Variants in SENP5 observed in about 807,000 individuals in gnomAD.
SENP5 encodes the protein sentrin-specific protease 5.
In SENP5, 21 loss-of-function variants were observed where a neutral mutation model predicts 74.2. The ratio of observed to expected loss-of-function variants is 0.28; its 90% CI spans 0.20 to 0.41. The LOEUF (loss-of-function observed/expected upper bound fraction) is 0.41. Ranked by LOEUF, SENP5 falls within the 10% of genes least tolerant of loss-of-function variation. The pLI is 1.00. For synonymous variants in SENP5, 311 were observed against 312.7 expected, an observed-to-expected ratio of 0.99 and a Z score of 0.06; for missense variants, 717 against 889.1, an observed-to-expected ratio of 0.81 and a Z score of 2.46.
intron 6 of SENP5, among the ~76,000 whole-genome samples, chr3:196,911,743 G>C (rs1407683329): frequency 6.6e-6 from 1 of 152,000 alleles, no homozygotes; most frequent in Non-Finnish European, 1.5e-5. Context: ...CTGAGAGGCA[G>C]AGGTTGCGTG....
intron 1 of SENP5, among the ~76,000 whole-genome samples, chr3:196,869,227 G>T (rs1041648753): frequency 1.4e-4 from 21 of 151,844 alleles, no homozygotes; most frequent in African/African-American, 5.1e-4. Flanking sequence ...GGGGGACAGG[G>T]TCTCACTCTG....
At chr3:196,912,425 G>A (rs1281463699) in intron 6 of SENP5, among the ~76,000 whole-genome samples, 2 of 152,110 alleles carry the variant, frequency 1.3e-5, no homozygotes, top group Admixed American at 6.6e-5. Flanking sequence ...CTGTCAGGGG[G>A]TTGGGGGCAA....
intron 7 of SENP5, among the ~76,000 whole-genome samples, chr3:196,923,977 G>A (rs539998519): frequency 6.0e-4 from 91 of 152,250 alleles, no homozygotes; most frequent in Non-Finnish European, 1.1e-3. Flanking sequence ...GTAGGTTTCC[G>A]GATTTTCCTG....
Position 196,886,758 on chromosome 3 carries a change from C to G in SENP5, c.1513+64C>G, listed in dbSNP as rs1713994295. On this transcript the variant is annotated intron_variant, in intron 2 of 9. Coordinates refer to ENST00000323460, the MANE Select transcript of SENP5 (RefSeq NM_152699.5). Reference sequence around the variant, plus strand: ...TCACATTTGCTGTGCATTATCCTTGCTAATAAGAGTCCTATTTTTTTCTCC... The same window carrying G: ...TCACATTTGCTGTGCATTATCCTTGGTAATAAGAGTCCTATTTTTTTCTCC... The G allele has an allele frequency of 5.3e-6, 7 of 1,321,026 alleles. No individual in the cohort carries two copies. The Admixed American group carries it at 7.7e-5, about 15-fold the overall frequency. The allele number at this position is 1,321,026 out of a possible 1,614,324, so 81.8% of individuals were successfully genotyped here. A position where few individuals can be genotyped will look rare whatever the true frequency, so the allele number is the denominator to read the frequency against.
intron 2 of SENP5, among the ~76,000 whole-genome samples, chr3:196,891,378 C>A (rs1261198856): frequency 1.3e-5 from 2 of 152,080 alleles, no homozygotes; most frequent in African/African-American, 2.4e-5. Context: ...GTGATAGTTA[C>A]ACAATCTGAA....
intron 6 of SENP5, among the ~76,000 whole-genome samples, chr3:196,919,231 ATTAG>A (rs1307627820): frequency 5.3e-5 from 8 of 152,362 alleles, no homozygotes; most frequent in African/African-American, 1.9e-4. Context: ...CTGTAATCCT[ATTAG>A]TTTGGGAGAC....
At chr3:196,891,792 GTCTC>G (rs1264342263) in intron 2 of SENP5, among the ~76,000 whole-genome samples, 1 of 152,106 alleles carries the variant, frequency 6.6e-6, no homozygotes, top group East Asian at 1.9e-4. Flanking sequence ...GCAAGACCTT[GTCTC>G]TCTCTTTTTT....
chr3:196,887,489 A>G (rs1444545473), intron 2 of SENP5, among the ~76,000 whole-genome samples: 3 of 147,986 alleles, frequency 2.0e-5, no homozygotes, highest in Admixed American at 6.7e-5. Context: ...CCCTTTGCCT[A>G]TTTTTCAACT....
intron 2 of SENP5, among the ~76,000 whole-genome samples, chr3:196,889,760 G>C (rs775378690): frequency 5.3e-5 from 8 of 152,210 alleles, no homozygotes; most frequent in Non-Finnish European, 1.0e-4. Context: ...CTGAGAATCA[G>C]CTCCCACTGG....
At chr3:196,891,076 A>G (rs1386813330) in intron 2 of SENP5, among the ~76,000 whole-genome samples, 1 of 152,230 alleles carries the variant, frequency 6.6e-6, no homozygotes, top group Non-Finnish European at 1.5e-5. Flanking sequence ...TGAATGGATA[A>G]ATAAAATTTG....
chr3:196,916,188 G>A (rs914718712), intron 6 of SENP5, among the ~76,000 whole-genome samples: 21 of 152,048 alleles, frequency 1.4e-4, no homozygotes, highest in African/African-American at 4.3e-4. Context: ...TTAGCTGGGC[G>A]TGGTGGCGGG....
At chr3:196,868,564 A>G (rs1218194347) in intron 1 of SENP5, among the ~76,000 whole-genome samples, 1 of 152,188 alleles carries the variant, frequency 6.6e-6, no homozygotes, top group African/African-American at 2.4e-5. Flanking sequence ...TCTGAGCGGT[A>G]TCAGCCTCCG....
Position 196,874,677 on chromosome 3 carries a change from C to G in SENP5, c.-32+6604C>G, listed in dbSNP as rs529750688. Among the ~76,000 whole-genome samples, 774 of 152,172 alleles carry G rather than the reference C, an allele frequency of 5.1e-3. 6 individuals carry two copies. Among genetic ancestry groups the G allele is most frequent in the Middle Eastern group, 0.027 (8 of 294 alleles). ...GGGTGGATCACCTGAGGTCAGAGGT[C>G]GAGACCAGCCTGACCAACATGGAGA... On this transcript the variant is annotated intron_variant, in intron 1 of 9. Transcript: ENST00000323460.
intron 6 of SENP5, among the ~76,000 whole-genome samples, chr3:196,907,122 A>T (rs970263623): frequency 6.6e-6 from 1 of 152,138 alleles, no homozygotes; most frequent in Non-Finnish European, 1.5e-5. Context: ...GGATTGTTCA[A>T]ATTTAAAATG....
At position 196,923,264 on chromosome 3, in the gene SENP5, T is replaced by C. The variant is rs926210548; in HGVS notation, c.1885-150T>C. 5.9e-6 allele frequency: 4 copies of C among 673,198 alleles called. No individual in the cohort carries two copies. The African/African-American group carries it at 7.3e-5, about 12-fold the overall frequency. 41.7% of individuals were successfully genotyped at this position (673,198 alleles called of 1,614,324 possible). Reference sequence around the variant, plus strand: ...AGCTTAATAGTTACAAGCATGGGCTTAGAGTAAGACCTGGGTTCAAATTCT... The same window carrying C: ...AGCTTAATAGTTACAAGCATGGGCTCAGAGTAAGACCTGGGTTCAAATTCT... On this transcript the variant is annotated intron_variant, in intron 6 of 9. Coordinates refer to ENST00000323460, the MANE Select transcript of SENP5 (RefSeq NM_152699.5).
chr3:196,875,281 T>TA (rs1188970558), intron 1 of SENP5, among the ~76,000 whole-genome samples: 1 of 152,226 alleles, frequency 6.6e-6, no homozygotes, highest in Admixed American at 6.5e-5. Flanking sequence ...TTCACTTTGC[T>TA]ACATCCTCCC....
intron 2 of SENP5, among the ~76,000 whole-genome samples, chr3:196,898,413 T>G (rs1206823376): frequency 1.3e-5 from 2 of 150,794 alleles, no homozygotes; most frequent in African/African-American, 4.9e-5. Context: ...CTGAGCAACA[T>G]AGCAAGACCC....
At chr3:196,915,316 A>G (rs1715325219) in intron 6 of SENP5, among the ~76,000 whole-genome samples, 2 of 152,204 alleles carry the variant, frequency 1.3e-5, no homozygotes, top group African/African-American at 4.8e-5. Context: ...TGCTCTTTCC[A>G]TTTGGGGAAC....
intron 2 of SENP5, among the ~76,000 whole-genome samples, chr3:196,887,676 G>A (rs1049579976): frequency 6.6e-6 from 1 of 152,090 alleles, no homozygotes; most frequent in African/African-American, 2.4e-5. Context: ...GGTCCCTCAC[G>A]AAAGGTAAAA....
Sources: gnomAD v4.1 joint callset for allele counts (sites outside exome capture counted in the v4.1 genomes callset) on GRCh38, gnomAD v4.1.1 for gene constraint, MANE v1.5 for transcripts, NCBI Gene and HGNC (gene_info 2026-07-23, HGNC 2026-07-21) for gene names.